The following SLC4A4 variants were observed in gnomAD, a reference collection of about 807,000 sequenced individuals.
SLC4A4 encodes the protein electrogenic sodium bicarbonate cotransporter 1.
SLC4A4 carries 27 observed loss-of-function variants against 111.5 expected under a neutral mutation model. The observed-to-expected ratio is 0.24, with a 90% CI of 0.18 to 0.33. The LOEUF (loss-of-function observed/expected upper bound fraction) is 0.33. SLC4A4 is among the 10% of genes least tolerant of loss of function. The pLI is 1.00. For missense variants in SLC4A4, 909 were observed against 1,315.5 expected (o/e 0.69, Z 4.78); for synonymous variants, 443 against 463.4 (o/e 0.96, Z 0.57).
chr4:71,376,487 G>A (rs1044365169), intron 6 of SLC4A4, among the ~76,000 whole-genome samples: 4 of 151,318 alleles, frequency 2.6e-5, no homozygotes, highest in African/African-American at 9.7e-5. Flanking sequence ...ACAGGCATAA[G>A]CCACTGCATC....
intron 2 of SLC4A4, among the ~76,000 whole-genome samples, chr4:71,125,910 T>C (rs950696988): frequency 6.6e-6 from 1 of 152,196 alleles, no homozygotes; most frequent in Non-Finnish European, 1.5e-5. Flanking sequence ...CAGGAAATAC[T>C]ACAAACACAG....
intron 2 of SLC4A4, among the ~76,000 whole-genome samples, chr4:71,243,298 T>G (rs1040200262): frequency 3.9e-5 from 6 of 152,160 alleles, no homozygotes; most frequent in African/African-American, 1.2e-4. Flanking sequence ...CTACTGGCCA[T>G]TATGTAATTT....
chr4:71,485,393 T>C (rs955409060), intron 14 of SLC4A4, among the ~76,000 whole-genome samples: 2 of 151,698 alleles, frequency 1.3e-5, no homozygotes, highest in African/African-American at 4.8e-5. Context: ...ATTGAGATAA[T>C]CTGGTATTTT....
intron 3 of SLC4A4, among the ~76,000 whole-genome samples, chr4:71,292,049 A>G (rs1295332962): frequency 6.6e-6 from 1 of 152,226 alleles, no homozygotes; most frequent in African/African-American, 2.4e-5. Context: ...AAAATGTCCA[A>G]TAAATTATTG....
chr4:71,350,002 G>A lies in SLC4A4; in HGVS notation c.480G>A (p.Glu160=). The A allele has an allele frequency of 6.2e-7, 1 of 1,614,124 alleles. No homozygotes were observed. The highest frequency in any genetic ancestry group is 8.5e-7 in the Non-Finnish European group (1 of 1,180,000). ...VATLSLHSLF[E]LRTCMEKGSI... ...CATTGTCCCTTCATAGTTTATTTGA[G>A]CTGAGGACATGTATGGAGAAAGGAT... Residue 160 remains glutamate (E), a synonymous_variant, in exon 5 of 26, where the codon GAG becomes GAA. Coordinates refer to ENST00000264485, the MANE Select transcript of SLC4A4 (RefSeq NM_001098484.3).
At chr4:71,119,807 GTC>G (rs1743366102) in intron 2 of SLC4A4, among the ~76,000 whole-genome samples, 1 of 152,090 alleles carries the variant, frequency 6.6e-6, no homozygotes, top group South Asian at 2.1e-4. Context: ...GATTCTCCAT[GTC>G]TCTCAAACGC....
At chr4:71,199,366 AT>A (rs1746147893) in intron 1 of SLC4A4, among the ~76,000 whole-genome samples, 2 of 152,226 alleles carry the variant, frequency 1.3e-5, no homozygotes, top group South Asian at 4.1e-4. Flanking sequence ...ATGAAATTGG[AT>A]GTTATTTCTG....
At chr4:71,398,075 C>A (rs1193214543) in intron 7 of SLC4A4, among the ~76,000 whole-genome samples, 1 of 151,966 alleles carries the variant, frequency 6.6e-6, no homozygotes, top group Admixed American at 6.6e-5. Flanking sequence ...CACTTGAGGC[C>A]AGGAGTTGAA....
intron 13 of SLC4A4, among the ~76,000 whole-genome samples, chr4:71,468,631 T>C (rs552397607): frequency 6.6e-6 from 1 of 152,082 alleles, no homozygotes; most frequent in South Asian, 2.1e-4. Context: ...GTTTATGTTA[T>C]AGCAGCAGCA....
intron 1 of SLC4A4, among the ~76,000 whole-genome samples, chr4:71,214,039 G>A (rs1718283271): frequency 6.6e-6 from 1 of 152,172 alleles, no homozygotes. Flanking sequence ...TTTTATGCTT[G>A]TTCAGTTGGC....
At chr4:71,409,848 C>G (rs535795684) in intron 7 of SLC4A4, among the ~76,000 whole-genome samples, 73 of 152,306 alleles carry the variant, frequency 4.8e-4, no homozygotes, top group African/African-American at 1.1e-3. Context: ...ACCCGGGGTC[C>G]CCGTGCTGTA....
chr4:71,524,544 C>T (rs556749473), intron 16 of SLC4A4, among the ~76,000 whole-genome samples: 27 of 152,022 alleles, frequency 1.8e-4, no homozygotes, highest in Non-Finnish European at 3.4e-4. Context: ...GCACTAAAAT[C>T]GTAGAGTCAA....
chr4:71,270,577 C>T (rs898590300), intron 3 of SLC4A4, among the ~76,000 whole-genome samples: 1 of 152,216 alleles, frequency 6.6e-6, no homozygotes, highest in Non-Finnish European at 1.5e-5. Context: ...CAGCAAATTA[C>T]TTAAAAATGT....
intron 6 of SLC4A4, among the ~76,000 whole-genome samples, chr4:71,370,845 C>A (rs144267707): frequency 6.6e-6 from 1 of 152,054 alleles, no homozygotes; most frequent in African/African-American, 2.4e-5. Flanking sequence ...GTTCAGTTTG[C>A]GGATGATATG....
chr4:71,548,030 T>C (rs1328470390), intron 20 of SLC4A4, among the ~76,000 whole-genome samples: 1 of 151,846 alleles, frequency 6.6e-6, no homozygotes, highest in African/African-American at 2.4e-5. Flanking sequence ...CTTCTCCCCC[T>C]CCTCCACACA....
At chr4:71,068,062 G>GTTTTTTTT (rs34542882) in intron 1 of SLC4A4, among the ~76,000 whole-genome samples, 1 of 136,316 alleles carries the variant, frequency 7.3e-6, no homozygotes. Context: ...TTGAACAAAC[G>GTTTTTTTT]TTTTTTTTTT....
At chr4:71,200,235 G>C (rs1746187283) in intron 1 of SLC4A4, among the ~76,000 whole-genome samples, 1 of 152,156 alleles carries the variant, frequency 6.6e-6, no homozygotes, top group African/African-American at 2.4e-5. Flanking sequence ...GTGAGAAACT[G>C]TGAACCTGTC....
In SLC4A4 at chr4:71,516,973, G is replaced by T. The variant is rs541835121; in HGVS notation, c.2167-15089G>T. ...TGGTGCAAAATACACTGCTAGTATT[G>T]TTGGAACTCTCTTGTATGTGATTTG... On this transcript the variant is annotated intron_variant, in intron 16 of 25. Transcript: ENST00000264485. Among the ~76,000 whole-genome samples, 235 of 152,234 alleles carry T rather than the reference G, an allele frequency of 1.5e-3. 1 individual carries two copies. Among genetic ancestry groups the T allele is most frequent in the Non-Finnish European group, 1.4e-3 (94 of 68,008 alleles).
chr4:71,092,011 C>T (rs1337655664), intron 1 of SLC4A4, among the ~76,000 whole-genome samples: 1 of 152,198 alleles, frequency 6.6e-6, no homozygotes, highest in Non-Finnish European at 1.5e-5. Context: ...TAGTGGCCAT[C>T]TTCAAGGGAG....
Sources: allele counts gnomAD v4.1 joint callset (sites outside exome capture counted in the v4.1 genomes callset), GRCh38; gene constraint gnomAD v4.1.1; transcripts MANE v1.5; gene names NCBI Gene and HGNC (gene_info 2026-07-23, HGNC 2026-07-21).